The following DRC2 variants were observed in gnomAD, a reference collection of about 807,000 sequenced individuals.
DRC2 encodes coiled-coil domain containing 65.
At chr12:48,912,926 A>C in the DRC2 span, among the ~76,000 whole-genome samples, 1 of 151,908 alleles carries the variant, frequency 6.6e-6, no homozygotes, top group Non-Finnish European at 1.5e-5. Flanking sequence ...TCACAAGGTC[A>C]AGAGATCGAG....
At chr12:48,918,944 C>G in the DRC2 span, 1 of 1,489,134 alleles carries the variant, frequency 6.7e-7, no homozygotes, top group Non-Finnish European at 9.3e-7. Flanking sequence ...AGTCAAGGAA[C>G]CTGCCTCCCT....
the DRC2 span, chr12:48,918,750 G>A: frequency 6.2e-7 from 1 of 1,614,124 alleles, no homozygotes; most frequent in Non-Finnish European, 8.5e-7. Context: ...ATGAGAACCG[G>A]TATATCCGTA....
the DRC2 span, among the ~76,000 whole-genome samples, chr12:48,910,554 T>C: frequency 6.6e-6 from 1 of 152,198 alleles, no homozygotes; most frequent in Non-Finnish European, 1.5e-5. Flanking sequence ...GTTTTACTTT[T>C]TTGAAGGTAA....
chr12:48,914,369 T>A, the DRC2 span: 1 of 1,551,922 alleles, frequency 6.4e-7, no homozygotes, highest in African/African-American at 1.4e-5. Flanking sequence ...GAGATGCTAT[T>A]CAGCTGGAAT....
chr12:48,920,906 A>G, the DRC2 span: 1 of 1,592,238 alleles, frequency 6.3e-7, no homozygotes, highest in Non-Finnish European at 8.5e-7. Flanking sequence ...TTCCTAATAT[A>G]AACTCTCTTC....
chr12:48,909,981 T>C, the DRC2 span, among the ~76,000 whole-genome samples: 4 of 151,926 alleles, frequency 2.6e-5, no homozygotes, highest in African/African-American at 9.7e-5. Flanking sequence ...GGCTTCATCA[T>C]GTTGGCCAGG....
chr12:48,918,321 TAGA>T, the DRC2 span: 1 of 1,614,042 alleles, frequency 6.2e-7, no homozygotes, highest in Non-Finnish European at 8.5e-7. Flanking sequence ...GAGAACAGAG[TAGA>T]AGATCTGTGG....
At chr12:48,910,987 G>A in the DRC2 span, among the ~76,000 whole-genome samples, 3 of 152,338 alleles carry the variant, frequency 2.0e-5, no homozygotes, top group East Asian at 5.8e-4. Context: ...AGAGGTTGCA[G>A]TGAGCCAAGA....
At chr12:48,913,439 GA>G in the DRC2 span, among the ~76,000 whole-genome samples, 2 of 151,548 alleles carry the variant, frequency 1.3e-5, no homozygotes, top group Non-Finnish European at 2.9e-5. Context: ...GAGTAGCGGG[GA>G]TTATAGGTAC....
the DRC2 span, among the ~76,000 whole-genome samples, chr12:48,914,117 G>C: frequency 6.6e-6 from 1 of 151,366 alleles, no homozygotes; most frequent in South Asian, 2.1e-4. Context: ...GTTTGTTTTT[G>C]TAGAGATGGG....
chr12:48,915,942 C>CTGCAATCTCGGCACTTCG, the DRC2 span, among the ~76,000 whole-genome samples: 3 of 146,914 alleles, frequency 2.0e-5, no homozygotes, highest in East Asian at 2.1e-4. Context: ...CGGGCAGAGG[C>CTGCAATCTCGGCACTTCG]GCTCCTCACA....
At chr12:48,918,618 T>C in the DRC2 span, 4 of 1,544,114 alleles carry the variant, frequency 2.6e-6, no homozygotes, top group Non-Finnish European at 3.6e-6. Context: ...GGCAGCCCTT[T>C]TACCTGTCTC....
the DRC2 span, among the ~76,000 whole-genome samples, chr12:48,911,962 A>G: frequency 3.9e-3 from 580 of 147,616 alleles, 1 homozygote; most frequent in East Asian, 0.02. Context: ...TAACTGATTT[A>G]AAAAAAAAAA....
At chr12:48,910,980 G>A in the DRC2 span, among the ~76,000 whole-genome samples, 1 of 152,216 alleles carries the variant, frequency 6.6e-6, no homozygotes, top group East Asian at 1.9e-4. Flanking sequence ...GGGAAGCAGA[G>A]GTTGCAGTGA....
At chr12:48,909,704 T>C in the DRC2 span, among the ~76,000 whole-genome samples, 1 of 152,072 alleles carries the variant, frequency 6.6e-6, no homozygotes, top group Non-Finnish European at 1.5e-5. Context: ...CTCGAACTCC[T>C]GACCTCAAGT....
chr12:48,905,224 A>G, the DRC2 span: 1 of 969,710 alleles, frequency 1.0e-6, no homozygotes, highest in Admixed American at 2.5e-5. Context: ...TGAGAAAGCC[A>G]GGCTATTGGT....
chr12:48,919,591 C>T, the DRC2 span, among the ~76,000 whole-genome samples: 1 of 151,834 alleles, frequency 6.6e-6, no homozygotes, highest in African/African-American at 2.4e-5. Flanking sequence ...GATCTTGGCT[C>T]GCTGCAACCT....
chr12:48,915,547 A>G, the DRC2 span, among the ~76,000 whole-genome samples: 1 of 151,672 alleles, frequency 6.6e-6, no homozygotes, highest in African/African-American at 2.4e-5. Context: ...CGATTTCTCA[A>G]TCTTTTCCCC....
At chr12:48,913,925 C>CTTTTTTTTTTTTTTT in the DRC2 span, among the ~76,000 whole-genome samples, 1 of 95,980 alleles carries the variant, frequency 1.0e-5, no homozygotes, top group Non-Finnish European at 2.0e-5. Context: ...CGTGCCCAGT[C>CTTTTTTTTTTTTTTT]TTTTTTTTTT....
Sources: gnomAD v4.1 joint callset for allele counts (sites outside exome capture counted in the v4.1 genomes callset) on GRCh38, gnomAD v4.1.1 for gene constraint, MANE v1.5 for transcripts, NCBI Gene and HGNC (gene_info 2026-07-23, HGNC 2026-07-21) for gene names.